Variants in CTNNA3 observed in about 807,000 individuals in gnomAD.
CTNNA3 encodes catenin alpha-3.
CTNNA3 carries 76 observed loss-of-function variants against 95.7 expected under a neutral mutation model. That is an observed-to-expected ratio of 0.79 (90% CI 0.66 to 0.96). CTNNA3 has a LOEUF of 0.96. Among genes scored for constraint, CTNNA3 ranks in the 40% least tolerant of loss-of-function variants. The probability of loss-of-function intolerance (pLI) is 0.00; values close to 1 mark genes in which losing one functional copy is unlikely to be tolerated. For missense variants in CTNNA3, 1,191 were observed against 1,089.8 expected, an observed-to-expected ratio of 1.09 and a Z score of -1.31; for synonymous variants, 431 against 374.4, an observed-to-expected ratio of 1.15 and a Z score of -1.74.
At chr10:67,067,406 C>T (rs528771287) in intron 7 of CTNNA3, among the ~76,000 whole-genome samples, 1 of 152,256 alleles carries the variant, frequency 6.6e-6, no homozygotes, top group East Asian at 1.9e-4. Flanking sequence ...CACTTTTTCC[C>T]TTATCTAATG....
At chr10:66,748,045 C>T (rs1014186440) in intron 9 of CTNNA3, among the ~76,000 whole-genome samples, 1 of 152,118 alleles carries the variant, frequency 6.6e-6, no homozygotes, top group South Asian at 2.1e-4. Context: ...GGTGTCTGTG[C>T]TTCCTGCTGT....
chr10:66,389,042 G>T (rs1011823935), intron 11 of CTNNA3, among the ~76,000 whole-genome samples: 2 of 152,082 alleles, frequency 1.3e-5, no homozygotes, highest in Non-Finnish European at 2.9e-5. Context: ...ACTTCATGAA[G>T]GCTTGAGCTT....
intron 13 of CTNNA3, among the ~76,000 whole-genome samples, chr10:66,149,451 T>C (rs776443965): frequency 3.3e-5 from 5 of 151,374 alleles, no homozygotes; most frequent in African/African-American, 4.8e-5. Flanking sequence ...CAGCCATAAC[T>C]ATTAACTAAT....
chr10:67,504,451 A>AAAAAAAAAAAAAAC (rs1564699349), intron 5 of CTNNA3, among the ~76,000 whole-genome samples: 1 of 143,614 alleles, frequency 7.0e-6, no homozygotes, highest in African/African-American at 2.6e-5. Flanking sequence ...AAAAAAAAAA[A>AAAAAAAAAAAAAAC]AAAAAAAAAC....
At chr10:66,193,681 C>A (rs1442685769) in intron 13 of CTNNA3, among the ~76,000 whole-genome samples, 1 of 152,120 alleles carries the variant, frequency 6.6e-6, no homozygotes, top group Non-Finnish European at 1.5e-5. Context: ...TATTAGTAAT[C>A]CATTCAGTTA....
At chr10:67,529,997 C>T (rs1014853976) in intron 4 of CTNNA3, among the ~76,000 whole-genome samples, 1 of 152,194 alleles carries the variant, frequency 6.6e-6, no homozygotes, top group African/African-American at 2.4e-5. Flanking sequence ...CCTACACAAG[C>T]TCTCTCTTTG....
intron 7 of CTNNA3, among the ~76,000 whole-genome samples, chr10:67,031,423 A>G (rs1279986672): frequency 6.6e-6 from 1 of 152,198 alleles, no homozygotes; most frequent in African/African-American, 2.4e-5. Flanking sequence ...CCTTTCTACT[A>G]TACATTGTGC....
intron 7 of CTNNA3, among the ~76,000 whole-genome samples, chr10:66,859,968 A>T (rs1217132248): frequency 8.0e-5 from 10 of 125,106 alleles, no homozygotes; most frequent in African/African-American, 3.1e-4. Context: ...CTGAACAATG[A>T]GAACACATGG....
In CTNNA3 at chr10:67,427,067, G is replaced by A. The variant is rs142000732; in HGVS notation, c.579+94775C>T. 6.0e-4 allele frequency among the ~76,000 whole-genome samples: 92 copies of A among 152,102 alleles called. 1 individual carries two copies. Among genetic ancestry groups the A allele is most frequent in the African/African-American group, 2.1e-3 (89 of 41,512 alleles). On this transcript the variant is annotated intron_variant, in intron 5 of 17. Transcript: ENST00000433211. ...TTTATAAATGAACAGAAACCAGATGGTTTCACTTGATGGCTTTAACAAAAT... is the reference window on the plus strand; with the variant it reads ...TTTATAAATGAACAGAAACCAGATGATTTCACTTGATGGCTTTAACAAAAT...
At chr10:67,164,948 T>C (rs2132098678) in intron 7 of CTNNA3, among the ~76,000 whole-genome samples, 1 of 152,310 alleles carries the variant, frequency 6.6e-6, no homozygotes, top group Admixed American at 6.5e-5. Flanking sequence ...TGGAAAATAG[T>C]TTGGCAGTTT....
intron 15 of CTNNA3, among the ~76,000 whole-genome samples, chr10:66,061,408 A>C (rs2080196185): frequency 6.6e-6 from 1 of 152,040 alleles, no homozygotes; most frequent in Non-Finnish European, 1.5e-5. Flanking sequence ...TCTATACCAG[A>C]CTTTCTCCAA....
At chr10:66,680,077 C>A (rs1237825161) in intron 9 of CTNNA3, among the ~76,000 whole-genome samples, 1 of 152,132 alleles carries the variant, frequency 6.6e-6, no homozygotes, top group Non-Finnish European at 1.5e-5. Context: ...ACTGCAACCT[C>A]CACCTCCCGG....
chr10:66,430,760 G>T (rs1297144617), intron 11 of CTNNA3, among the ~76,000 whole-genome samples: 2 of 152,032 alleles, frequency 1.3e-5, no homozygotes, highest in Non-Finnish European at 2.9e-5. Flanking sequence ...ATTCAAGATG[G>T]ATTAAGGACT....
intron 9 of CTNNA3, among the ~76,000 whole-genome samples, chr10:66,764,649 A>G (rs1211235759): frequency 1.3e-5 from 2 of 152,192 alleles, no homozygotes; most frequent in Non-Finnish European, 2.9e-5. Context: ...GTGTGTCTTC[A>G]GCTTAGAGAA....
chr10:67,038,032 T>G (rs1365295699), intron 7 of CTNNA3, among the ~76,000 whole-genome samples: 1 of 152,134 alleles, frequency 6.6e-6, no homozygotes, highest in Non-Finnish European at 1.5e-5. Flanking sequence ...AGATTTTACA[T>G]CTAATAATAT....
intron 11 of CTNNA3, among the ~76,000 whole-genome samples, chr10:66,494,181 TA>T (rs1291324657): frequency 1.3e-5 from 2 of 152,166 alleles, no homozygotes; most frequent in Non-Finnish European, 2.9e-5. Flanking sequence ...GTGCTGGGAT[TA>T]CAGGCGTGAG....
At chr10:66,812,736 A>G (rs1841931079) in intron 7 of CTNNA3, among the ~76,000 whole-genome samples, 1 of 152,116 alleles carries the variant, frequency 6.6e-6, no homozygotes, top group Non-Finnish European at 1.5e-5. Flanking sequence ...AAGTCCTTTT[A>G]TTTCTCTGGC....
intron 3 of CTNNA3, among the ~76,000 whole-genome samples, chr10:67,547,120 A>C (rs1470069399): frequency 6.6e-6 from 1 of 152,322 alleles, no homozygotes; most frequent in Non-Finnish European, 1.5e-5. Context: ...GAACCACTTC[A>C]ATGAGAAGAT....
At chr10:67,523,175 G>T (rs968065318) in intron 4 of CTNNA3, among the ~76,000 whole-genome samples, 1 of 152,176 alleles carries the variant, frequency 6.6e-6, no homozygotes, top group African/African-American at 2.4e-5. Flanking sequence ...AAATAACAGT[G>T]CTAAGCTTCC....
Sources: allele counts gnomAD v4.1 joint callset (sites outside exome capture counted in the v4.1 genomes callset), GRCh38; gene constraint gnomAD v4.1.1; transcripts MANE v1.5; gene names NCBI Gene and HGNC (gene_info 2026-07-23, HGNC 2026-07-21).